ZC3H13: variants seen among roughly 807,000 people sequenced by gnomAD.
ZC3H13 encodes zinc finger CCCH domain-containing protein 13.
Under a neutral mutation model 204.1 loss-of-function variants are expected in ZC3H13, and 64 were observed. The observed-to-expected ratio is 0.31, with a 90% CI of 0.26 to 0.39. The LOEUF is 0.39. ZC3H13 is among the 10% of genes least tolerant of loss of function. ZC3H13 has a pLI of 1.00. For synonymous variants in ZC3H13, 667 were observed against 693.7 expected, an observed-to-expected ratio of 0.96 and a Z score of 0.60; for missense variants, 1,833 against 2,082.7, an observed-to-expected ratio of 0.88 and a Z score of 2.33.
chr13:45,973,392 AAATTTCTGGGGTC>A (rs1432222486), intron 12 of ZC3H13, among the ~76,000 whole-genome samples: 2 of 152,230 alleles, frequency 1.3e-5, no homozygotes, highest in Non-Finnish European at 2.9e-5. Flanking sequence ...TTCAACTTCT[AAATTTCTGGGGTC>A]ATTGTCAACT....
chr13:46,015,184 CA>C (rs2041837745), intron 5 of ZC3H13, among the ~76,000 whole-genome samples: 1 of 152,136 alleles, frequency 6.6e-6, no homozygotes, highest in Non-Finnish European at 1.5e-5. Flanking sequence ...TAATGTTCTT[CA>C]TTTCTGCCAA....
chr13:46,016,806 T>C (rs1187090101), intron 5 of ZC3H13, among the ~76,000 whole-genome samples: 1 of 152,134 alleles, frequency 6.6e-6, no homozygotes, highest in Non-Finnish European at 1.5e-5. Flanking sequence ...GACAAGACTA[T>C]AAGCAAGGGA....
intron 17 of ZC3H13, chr13:45,962,431 G>T (rs757261657): frequency 2.2e-4 from 215 of 985,288 alleles, no homozygotes; most frequent in Non-Finnish European, 2.5e-4. Context: ...ATCTTTAGAG[G>T]TGGGTAAGAT....
chr13:46,020,066 C>T (rs912457099), intron 5 of ZC3H13, among the ~76,000 whole-genome samples: 11 of 152,230 alleles, frequency 7.2e-5, no homozygotes, highest in Admixed American at 1.3e-4. Context: ...TTGGAAATAA[C>T]TTTCCCAAGT....
At chr13:45,983,413 ATTTTTTTTTTTTT>A (rs1555277661) in intron 10 of ZC3H13, among the ~76,000 whole-genome samples, 1 of 31,128 alleles carries the variant, frequency 3.2e-5, no homozygotes, top group Non-Finnish European at 4.9e-5. Flanking sequence ...ATATATATAT[ATTTTTTTTTTTTT>A]TTTTTTTTTT....
intron 4 of ZC3H13, among the ~76,000 whole-genome samples, chr13:46,023,907 G>T (rs2138863226): frequency 6.6e-6 from 1 of 152,270 alleles, no homozygotes; most frequent in South Asian, 2.1e-4. Context: ...GCACAAATAA[G>T]AATTCCTTCC....
At chr13:45,984,263 G>A (rs1221225536) in intron 10 of ZC3H13, among the ~76,000 whole-genome samples, 1 of 152,164 alleles carries the variant, frequency 6.6e-6, no homozygotes, top group African/African-American at 2.4e-5. Context: ...TGTGTAAAAT[G>A]TTTTTTGGGA....
At chr13:46,044,237 C>T (rs936602600) in intron 3 of ZC3H13, among the ~76,000 whole-genome samples, 4 of 150,344 alleles carry the variant, frequency 2.7e-5, no homozygotes, top group Non-Finnish European at 5.9e-5. Context: ...ATGCTATAGC[C>T]AAAACAATCA....
chr13:46,008,617 A>G (rs2041324042), intron 7 of ZC3H13, among the ~76,000 whole-genome samples: 2 of 152,196 alleles, frequency 1.3e-5, no homozygotes, highest in Non-Finnish European at 2.9e-5. Flanking sequence ...ATTAAGTTTC[A>G]AATATTCTAT....
chr13:46,032,437 C>A (rs1013092238), intron 4 of ZC3H13, among the ~76,000 whole-genome samples: 1 of 149,842 alleles, frequency 6.7e-6, no homozygotes, highest in Non-Finnish European at 1.5e-5. Context: ...AGATGCCCAA[C>A]CTCACTCACA....
At chr13:45,999,488 C>T (rs2040589078) in intron 8 of ZC3H13, among the ~76,000 whole-genome samples, 1 of 152,216 alleles carries the variant, frequency 6.6e-6, no homozygotes. Context: ...CCATATGATG[C>T]AACTCCTCAT....
At chr13:46,025,971 C>T (rs2042520152) in intron 4 of ZC3H13, among the ~76,000 whole-genome samples, 1 of 151,554 alleles carries the variant, frequency 6.6e-6, no homozygotes, top group Non-Finnish European at 1.5e-5. Context: ...CAACAGCCTG[C>T]TCAGTCTATA....
chr13:46,012,899 A>G (rs1353615414), intron 5 of ZC3H13, among the ~76,000 whole-genome samples: 3 of 152,248 alleles, frequency 2.0e-5, no homozygotes, highest in Non-Finnish European at 2.9e-5. Context: ...ATAAAATTCC[A>G]TAACCAAATA....
chr13:45,961,806 C>T (rs956634401), intron 17 of ZC3H13, among the ~76,000 whole-genome samples: 5 of 151,944 alleles, frequency 3.3e-5, no homozygotes, highest in African/African-American at 9.7e-5. Context: ...TGATTATTAA[C>T]CCACTGCATG....
intron 1 of ZC3H13, chr13:46,051,904 G>C (rs987862236): frequency 6.8e-6 from 1 of 145,994 alleles, no homozygotes; most frequent in Non-Finnish European, 1.5e-5. Context: ...ACTTTCCCCC[G>C]TTTCTGACAG....
In ZC3H13 at chr13:46,015,795, A is replaced by G. The variant is rs538990773; in HGVS notation, c.449-4241T>C. Among the ~76,000 whole-genome samples the G allele has an allele frequency of 6.7e-4, 102 of 152,264 alleles. 2 individuals carry two copies. Among genetic ancestry groups the G allele is most frequent in the Middle Eastern group, 3.4e-3 (1 of 294 alleles). On this transcript the variant is annotated intron_variant, in intron 5 of 18. Coordinates refer to ENST00000679008, the MANE Select transcript of ZC3H13 (RefSeq NM_001330564.2). ...GGGAAATTAGGGAATTTGAAACAGG[A>G]AAATAAAATGAACATTCAATTTATT...
chr13:45,993,663 G>A (rs1389821072), intron 8 of ZC3H13, among the ~76,000 whole-genome samples: 2 of 152,110 alleles, frequency 1.3e-5, no homozygotes, highest in East Asian at 1.9e-4. Context: ...GATCTTACTC[G>A]TCTAAATAAA....
At chr13:46,032,913 C>T (rs559947583) in intron 4 of ZC3H13, among the ~76,000 whole-genome samples, 22 of 152,044 alleles carry the variant, frequency 1.4e-4, no homozygotes, top group African/African-American at 5.1e-4. Flanking sequence ...TACAGTAATG[C>T]TACCTTTTAT....
intron 18 of ZC3H13, among the ~76,000 whole-genome samples, chr13:45,957,513 CTTGCTT>C (rs1274664901): frequency 6.6e-6 from 1 of 152,182 alleles, no homozygotes; most frequent in Non-Finnish European, 1.5e-5. Context: ...AGTTTAACCT[CTTGCTT>C]AAAGTAGGAA....
Sources: allele counts gnomAD v4.1 joint callset (sites outside exome capture counted in the v4.1 genomes callset), GRCh38; gene constraint gnomAD v4.1.1; transcripts MANE v1.5; gene names NCBI Gene and HGNC (gene_info 2026-07-23, HGNC 2026-07-21).